The following IL17RA variants were observed in gnomAD, a reference collection of about 807,000 sequenced individuals.
IL17RA encodes the protein interleukin 17 receptor A.
In IL17RA, 34 loss-of-function variants were observed where a neutral mutation model predicts 50.4. The observed-to-expected ratio is 0.67, with a 90% CI of 0.51 to 0.90. The LOEUF is 0.90. IL17RA is among the 40% of genes least tolerant of loss of function. The pLI is 0.00. For missense variants in IL17RA, 1,276 were observed against 1,169.8 expected, an observed-to-expected ratio of 1.09 and a Z score of -1.32; for synonymous variants, 585 against 510.4, an observed-to-expected ratio of 1.15 and a Z score of -1.97.
chr22:17,096,193 A>C (rs2061367623), intron 1 of IL17RA, among the ~76,000 whole-genome samples: 1 of 152,152 alleles, frequency 6.6e-6, no homozygotes. Context: ...TAGGGCTTCT[A>C]AATTTGGCCA....
intron 5 of IL17RA, among the ~76,000 whole-genome samples, chr22:17,101,450 T>C (rs1330233705): frequency 6.6e-6 from 1 of 152,210 alleles, no homozygotes; most frequent in Non-Finnish European, 1.5e-5. Context: ...GTGTGTTTGC[T>C]TTTATTGGTC....
In IL17RA at chr22:17,085,148, CCTG is replaced by C. The variant is rs757897521; in HGVS notation, c.63_65del (p.Leu23del). 6.0e-6 allele frequency: 9 copies of C among 1,510,890 alleles called. 1 individual carries two copies. In the South Asian group the frequency reaches 1.1e-4, roughly 19 times the overall value. The allele number at this position is 1,510,890 out of a possible 1,614,324, so 93.6% of individuals were successfully genotyped here. On this transcript the variant is annotated inframe_deletion, in exon 1 of 13. Transcript: ENST00000319363. ...TCCCGGGGCCCCTGCTGGGGCTGCT[CCTG>C]CTGCTCCTGGGCGTGCTGGCCCCGG... is the stretch of plus-strand genomic sequence containing the variant.
Position 17,102,068 on chromosome 22 carries a change from T to C in IL17RA, c.598+25T>C, listed in dbSNP as rs183650149. 9.5e-5 allele frequency: 153 copies of C among 1,614,150 alleles called. 3 individuals carry two copies. In the East Asian group the frequency reaches 3.3e-3, roughly 35 times the overall value. ...GGTAACAGCTGGCCCGGGAGAGCTT[T>C]ATTTGGATGCATACACATGCACATG... On this transcript the variant is annotated intron_variant, in intron 6 of 12. Coordinates refer to ENST00000319363, the MANE Select transcript of IL17RA (RefSeq NM_014339.7).
rs543264447 is a variant in IL17RA at position 17,100,906 on chromosome 22, G to A, written c.550+425G>A. Reference sequence around the variant, plus strand: ...TTACATTCTGCCTGCATCATCCAACGTTCATCCCATGCATGGCGCTCTACT... The same window carrying A: ...TTACATTCTGCCTGCATCATCCAACATTCATCCCATGCATGGCGCTCTACT... On this transcript the variant is annotated intron_variant, in intron 5 of 12. Transcript: ENST00000319363. 1.4e-4 allele frequency among the ~76,000 whole-genome samples: 21 copies of A among 152,182 alleles called. No individual in the cohort carries two copies. In the South Asian group the frequency reaches 1.5e-3, roughly 11 times the overall value.
In IL17RA at chr22:17,102,284, C is replaced by A; in HGVS notation, c.744C>A (p.His248Gln). The A allele has an allele frequency of 6.2e-7, 1 of 1,614,208 alleles. No homozygotes were observed. The highest frequency in any genetic ancestry group is 8.5e-7 in the Non-Finnish European group (1 of 1,180,044). ...PHMENHSCFE[H>Q]MHHIPAPRPE... ...TGGAGAACCACAGTTGCTTTGAGCA[C>A]ATGCACCACATACCTGCGGTAACTC... is the stretch of plus-strand genomic sequence containing the variant. Residue 248 changes from histidine (H) to glutamine (Q), a missense_variant, in exon 7 of 13, where the codon CAC becomes CAA. By Grantham distance (24) the His-to-Gln change is conservative. Coordinates refer to ENST00000319363, the MANE Select transcript of IL17RA (RefSeq NM_014339.7).
chr22:17,094,172 C>T (rs557310623), intron 1 of IL17RA, among the ~76,000 whole-genome samples: 39 of 151,938 alleles, frequency 2.6e-4, no homozygotes, highest in African/African-American at 8.4e-4. Flanking sequence ...TTAGTAGAGA[C>T]AGGGTTTCAC....
Position 17,097,807 on chromosome 22 carries a change from G to C in IL17RA, c.174G>C (p.Leu58=). 6.2e-7 allele frequency: 1 copy of C among 1,614,178 alleles called. No individual in the cohort carries two copies. Among genetic ancestry groups the C allele is most frequent in the South Asian group, 1.1e-5 (1 of 91,082 alleles). Residue 58 remains leucine (L), a synonymous_variant, in exon 3 of 13, where the codon CTG becomes CTC. Transcript: ENST00000319363. ...LNCTVKNSTC[L]DDSWIHPRNL... ...TTCCCTGGCTGCCAGGTACCTGCCT[G>C]GATGACAGCTGGATTCACCCTCGAA...
Position 17,110,305 on chromosome 22 carries a change from C to T in IL17RA, c.*485C>T, listed in dbSNP as rs1445836396. The T allele has an allele frequency of 1.0e-5, 2 of 191,882 alleles. No homozygotes were observed. Among genetic ancestry groups the T allele is most frequent in the African/African-American group, 4.8e-5 (2 of 41,864 alleles). The allele number at this position is 191,882 out of a possible 1,614,324, so 11.9% of individuals were successfully genotyped here. The stretch of plus-strand genomic sequence containing the variant: ...TCTGAGGTCAGGAGTTTGAGCCAGC[C>T]TGGCCAACATGGTGAAACCCCATCT... On this transcript the variant is annotated 3_prime_UTR_variant, in exon 13 of 13. Transcript: ENST00000319363.
rs1299897943 is a variant in IL17RA, at chr22:17,100,366, C to T, written c.435C>T (p.Thr145=). The T allele has an allele frequency of 6.2e-7, 1 of 1,613,956 alleles. No individual in the cohort carries two copies. The highest frequency in any genetic ancestry group is 1.3e-5 in the African/African-American group (1 of 74,860). The change falls in exon 5 of 13, where the codon ACC becomes ACT. Residue 145 remains threonine, a synonymous_variant. Coordinates refer to ENST00000319363, the MANE Select transcript of IL17RA (RefSeq NM_014339.7). ...TCCCTTCTCTTCAGTGGCGTTTTAC[C>T]TTCAGCCACTTTGTGGTTGACCCTG... ...LRHHHRRWRF[T]FSHFVVDPDQ...
chr22:17,100,948 A>G (rs2241044), intron 5 of IL17RA, among the ~76,000 whole-genome samples: 1 of 151,774 alleles, frequency 6.6e-6, no homozygotes, highest in Non-Finnish European at 1.5e-5. Context: ...GCCTATCCAC[A>G]CTGCCTGTGA....
intron 1 of IL17RA, among the ~76,000 whole-genome samples, chr22:17,085,604 A>C (rs2061324647): frequency 6.6e-6 from 1 of 152,004 alleles, no homozygotes; most frequent in African/African-American, 2.4e-5. Flanking sequence ...GGGGCTGTGG[A>C]GAAGGGGCCC....
chr22:17,089,875 C>CA (rs57976813), intron 1 of IL17RA, among the ~76,000 whole-genome samples: 3,358 of 138,876 alleles, frequency 0.024, 108 homozygotes, highest in African/African-American at 0.079. Context: ...AACAAACAAA[C>CA]AAAAAAAAAA....
At position 17,109,188 on chromosome 22, in the gene IL17RA, C is replaced by T. The variant is rs1280237196; in HGVS notation, c.1969C>T (p.Arg657Trp). 32 of 1,519,048 alleles carry T rather than the reference C, an allele frequency of 2.1e-5. No individual in the cohort carries two copies. Among genetic ancestry groups the T allele is most frequent in the Non-Finnish European group, 2.7e-5 (31 of 1,138,678 alleles). The allele number at this position is 1,519,048 out of a possible 1,614,324, so 94.1% of individuals were successfully genotyped here. The change falls in exon 13 of 13, where the codon CGG becomes TGG. Residue 657 changes from arginine to tryptophan, a missense_variant. Coordinates refer to ENST00000319363, the MANE Select transcript of IL17RA (RefSeq NM_014339.7). ...AAAGCTGGAACCTCACCTGCAGCCC[C>T]GGGGTCAGCCAGCGCCGCAGCCCCT... ...VAKLEPHLQP[R>W]GQPAPQPLHT...
intron 9 of IL17RA, 53 bp from the exon 10 acceptor site, chr22:17,105,538 A>G: frequency 6.3e-7 from 1 of 1,576,940 alleles, no homozygotes; most frequent in Non-Finnish European, 8.7e-7. Flanking sequence ...TCTTGTGATG[A>G]CTGGGAAGGG....
intron 9 of IL17RA, 152 bp downstream of exon 9, chr22:17,104,962 G>A: frequency 1.3e-6 from 1 of 755,104 alleles, no homozygotes; most frequent in South Asian, 1.5e-5. Context: ...TGTGGAGTGG[G>A]GCTTTAGAGT....
intron 8 of IL17RA, among the ~76,000 whole-genome samples, chr22:17,104,408 C>T (rs1213949702): frequency 8.0e-5 from 8 of 99,424 alleles, no homozygotes; most frequent in South Asian, 3.6e-4. Flanking sequence ...GTGGTGTGGA[C>T]GGGAGTGGGG....
In IL17RA at chr22:17,109,776, G is replaced by T. The variant is rs952667528; in HGVS notation, c.2557G>T (p.Gly853Cys). The T allele has an allele frequency of 1.9e-6, 3 of 1,551,936 alleles. No individual in the cohort carries two copies. In the African/African-American group the frequency reaches 4.1e-5, roughly 21 times the overall value. The change falls in exon 13 of 13, where the codon GGC becomes TGC. Residue 853 changes from glycine to cysteine, a missense_variant. Gly to Cys is a radical substitution (Grantham distance 159). Coordinates refer to ENST00000319363, the MANE Select transcript of IL17RA (RefSeq NM_014339.7). ...LLFRQLQKNS[G>C]WDTMGSESEG... ...TTTCCGCCAGCTGCAGAAGAACTCG[G>T]GCTGGGACACGATGGGGTCAGAGTC...
At chr22:17,101,138 C>T (rs968475206) in intron 5 of IL17RA, among the ~76,000 whole-genome samples, 1 of 152,164 alleles carries the variant, frequency 6.6e-6, no homozygotes, top group Non-Finnish European at 1.5e-5. Flanking sequence ...AATGCAGCCT[C>T]GAACTCCTGG....
Position 17,109,556 on chromosome 22 carries a change from C to CA in IL17RA, c.2338dup (p.Thr780AsnfsTer14). On this transcript the variant is annotated frameshift_variant, in exon 13 of 13. Coordinates refer to ENST00000319363, the MANE Select transcript of IL17RA (RefSeq NM_014339.7). LOFTEE classifies it low-confidence loss of function (END_TRUNC). ...CCGCCATGGTCCTCACAGACCCACA[C>CA]ACGCCCTACGAGGAGGAGCAGCGGC... 1 of 1,599,792 alleles carries CA rather than the reference C, an allele frequency of 6.3e-7. No homozygotes were observed. The highest frequency in any genetic ancestry group is 8.5e-7 in the Non-Finnish European group (1 of 1,173,216).
Sources: gnomAD v4.1 joint callset for allele counts (sites outside exome capture counted in the v4.1 genomes callset) on GRCh38, gnomAD v4.1.1 for gene constraint, MANE v1.5 for transcripts, NCBI Gene and HGNC (gene_info 2026-07-23, HGNC 2026-07-21) for gene names.